CEP70: variants seen among roughly 807,000 people sequenced by gnomAD.
CEP70 encodes centrosomal protein 70.
In CEP70, 70 loss-of-function variants were observed where a neutral mutation model predicts 90.9. The observed-to-expected ratio is 0.77, with a 90% CI of 0.64 to 0.94. The LOEUF is 0.94. Among genes scored for constraint, CEP70 ranks in the 40% least tolerant of loss-of-function variants. The pLI is 0.00. For synonymous variants in CEP70, 220 were observed against 228.3 expected (o/e 0.96, Z 0.33); for missense variants, 648 against 669.0 (o/e 0.97, Z 0.35).
At chr3:138,581,819 T>C (rs1383026865) in intron 2 of CEP70, among the ~76,000 whole-genome samples, 1 of 151,374 alleles carries the variant, frequency 6.6e-6, no homozygotes, top group African/African-American at 2.4e-5. Flanking sequence ...AAGAAAGCTG[T>C]AGAAAACTAA....
At chr3:138,528,472 A>T (rs1354829931) in intron 10 of CEP70, among the ~76,000 whole-genome samples, 1 of 152,220 alleles carries the variant, frequency 6.6e-6, no homozygotes, top group African/African-American at 2.4e-5. Context: ...AAGTGAGTAT[A>T]AGAATATTAT....
intron 2 of CEP70, among the ~76,000 whole-genome samples, chr3:138,580,517 CA>C (rs2041797401): frequency 6.6e-6 from 1 of 152,158 alleles, no homozygotes; most frequent in Non-Finnish European, 1.5e-5. Context: ...GAGATCACAA[CA>C]CTCAAGTCAC....
At chr3:138,556,072 T>G (rs1399307781) in intron 6 of CEP70, among the ~76,000 whole-genome samples, 2 of 152,220 alleles carry the variant, frequency 1.3e-5, no homozygotes, top group Non-Finnish European at 2.9e-5. Flanking sequence ...ACATACACGA[T>G]GGAATACTAC....
At chr3:138,551,278 A>C (rs545365553) in intron 6 of CEP70, among the ~76,000 whole-genome samples, 8 of 152,346 alleles carry the variant, frequency 5.3e-5, no homozygotes, top group Admixed American at 2.6e-4. Flanking sequence ...AAGCTTCACA[A>C]AGGAAAGATA....
At chr3:138,522,671 C>G (rs1345003741) in intron 11 of CEP70, among the ~76,000 whole-genome samples, 1 of 152,030 alleles carries the variant, frequency 6.6e-6, no homozygotes, top group African/African-American at 2.4e-5. Context: ...AAGACTAAAC[C>G]AGGAAGAAGT....
At chr3:138,535,608 G>T (rs2038197228) in intron 7 of CEP70, among the ~76,000 whole-genome samples, 1 of 152,020 alleles carries the variant, frequency 6.6e-6, no homozygotes, top group African/African-American at 2.4e-5. Flanking sequence ...TCATTTCAGT[G>T]TCTCAAACTG....
At chr3:138,503,166 C>T (rs2034669152) in intron 13 of CEP70, among the ~76,000 whole-genome samples, 1 of 152,078 alleles carries the variant, frequency 6.6e-6, no homozygotes, top group Non-Finnish European at 1.5e-5. Flanking sequence ...AACTTTATAC[C>T]CATTAAACAA....
intron 6 of CEP70, among the ~76,000 whole-genome samples, chr3:138,541,396 G>A (rs2038750703): frequency 6.7e-6 from 1 of 149,614 alleles, no homozygotes; most frequent in African/African-American, 2.5e-5. Flanking sequence ...TATTCAACGT[G>A]GTGCTGAAAG....
intron 6 of CEP70, among the ~76,000 whole-genome samples, chr3:138,546,048 C>G (rs143249028): frequency 4.6e-5 from 7 of 152,234 alleles, no homozygotes; most frequent in African/African-American, 1.7e-4. Context: ...ATCTTCGTGA[C>G]CTACTCCCTG....
At chr3:138,510,700 A>G (rs1436033989) in intron 11 of CEP70, among the ~76,000 whole-genome samples, 1 of 152,124 alleles carries the variant, frequency 6.6e-6, no homozygotes, top group African/African-American at 2.4e-5. Flanking sequence ...TTGAAGGATT[A>G]TTACGAGACT....
chr3:138,499,985 TG>T, intron 16 of CEP70, 124 bp downstream of exon 16: 2 of 700,984 alleles, frequency 2.9e-6, no homozygotes, highest in Non-Finnish European at 5.2e-6. Flanking sequence ...TTGCTCAGAC[TG>T]GACTTAAACT....
chr3:138,516,890 A>G (rs2036083314), intron 11 of CEP70, among the ~76,000 whole-genome samples: 1 of 152,196 alleles, frequency 6.6e-6, no homozygotes, highest in Admixed American at 6.5e-5. Flanking sequence ...CACTTTCTCA[A>G]ATCCCATTCC....
Position 138,571,114 on chromosome 3 carries a change from C to G in CEP70, c.204G>C (p.Gln68His), listed in dbSNP as rs764185495. ...FDKQSSQRMR[Q>H]NLKLLVEETS... The stretch of plus-strand genomic sequence containing the variant: ...TTTCTTCCACCAACAATTTCAAATT[C>G]TGTCTCATCCTTTGTGATGACTGTT... Residue 68 changes from glutamine to histidine, a missense_variant, in exon 5 of 18, where the codon CAG becomes CAC. Transcript: ENST00000264982. 2 of 1,603,080 alleles carry G rather than the reference C, an allele frequency of 1.2e-6. No homozygotes were observed. The highest frequency in any genetic ancestry group is 1.1e-5 in the South Asian group (1 of 90,300).
chr3:138,562,053 A>G (rs1172762136), intron 6 of CEP70, among the ~76,000 whole-genome samples: 1 of 151,230 alleles, frequency 6.6e-6, no homozygotes, highest in Non-Finnish European at 1.5e-5. Flanking sequence ...AACTTCGTGA[A>G]GCATACACAA....
At chr3:138,524,299 C>G (rs2108808436) in intron 11 of CEP70, among the ~76,000 whole-genome samples, 1 of 151,898 alleles carries the variant, frequency 6.6e-6, no homozygotes, top group East Asian at 1.9e-4. Flanking sequence ...CAATACCATT[C>G]AGGACATAGG....
At chr3:138,531,095 C>T (rs998841241) in intron 8 of CEP70, among the ~76,000 whole-genome samples, 3 of 152,092 alleles carry the variant, frequency 2.0e-5, no homozygotes, top group African/African-American at 4.8e-5. Flanking sequence ...GGCCAAAATA[C>T]TTTACTTCAG....
intron 11 of CEP70, among the ~76,000 whole-genome samples, chr3:138,516,528 G>C (rs2036043702): frequency 6.6e-6 from 1 of 152,052 alleles, no homozygotes; most frequent in African/African-American, 2.4e-5. Flanking sequence ...TGGGGCTACA[G>C]GTAAGTACCG....
At chr3:138,521,738 G>C (rs2036670555) in intron 11 of CEP70, among the ~76,000 whole-genome samples, 1 of 152,146 alleles carries the variant, frequency 6.6e-6, no homozygotes, top group Non-Finnish European at 1.5e-5. Flanking sequence ...GCCATGTCTG[G>C]GAAGTGAGGA....
At chr3:138,572,765 A>G in intron 3 of CEP70, 94 bp downstream of exon 3, 1 of 839,418 alleles carries the variant, frequency 1.2e-6, no homozygotes, top group Non-Finnish European at 2.0e-6. Context: ...TATTTGAGAA[A>G]GAATCCTTTT....
Sources: allele counts gnomAD v4.1 joint callset (sites outside exome capture counted in the v4.1 genomes callset), GRCh38; gene constraint gnomAD v4.1.1; transcripts MANE v1.5; gene names NCBI Gene and HGNC (gene_info 2026-07-23, HGNC 2026-07-21).